ROCK2: variants seen among roughly 807,000 people sequenced by gnomAD.
ROCK2 encodes Rho associated coiled-coil containing protein kinase 2, also known as rho-associated protein kinase 2.
ROCK2 carries 61 observed loss-of-function variants against 195.1 expected under a neutral mutation model. The ratio of observed to expected loss-of-function variants is 0.31; its 90% CI spans 0.25 to 0.39. The LOEUF (loss-of-function observed/expected upper bound fraction) is 0.39. Ranked by LOEUF, ROCK2 falls within the 10% of genes least tolerant of loss-of-function variation. ROCK2 has a pLI of 1.00. For synonymous variants in ROCK2, 504 were observed against 545.5 expected (o/e 0.92, Z 1.06); for missense variants, 1,109 against 1,637.4 (o/e 0.68, Z 5.57).
chr2:11,304,302 C>T (rs1667790677), intron 1 of ROCK2, among the ~76,000 whole-genome samples: 2 of 152,144 alleles, frequency 1.3e-5, no homozygotes, highest in African/African-American at 4.8e-5. Flanking sequence ...CAACCACTTC[C>T]CTCCTTCAGT....
At chr2:11,275,084 C>T (rs912153460) in intron 3 of ROCK2, among the ~76,000 whole-genome samples, 1 of 151,976 alleles carries the variant, frequency 6.6e-6, no homozygotes, top group African/African-American at 2.4e-5. Flanking sequence ...TGGTGAATCC[C>T]CATCTCTACT....
intron 3 of ROCK2, among the ~76,000 whole-genome samples, chr2:11,262,616 C>G (rs1043915378): frequency 1.2e-4 from 18 of 152,204 alleles, no homozygotes; most frequent in African/African-American, 4.3e-4. Context: ...CACAAGCTCT[C>G]TTTGCCTGCT....
chr2:11,238,207 AGAGTGTGT>A (rs1446921530), intron 4 of ROCK2, among the ~76,000 whole-genome samples: 11 of 36,050 alleles, frequency 3.1e-4, no homozygotes, highest in Non-Finnish European at 6.7e-4. Flanking sequence ...AAATTGAGAA[AGAGTGTGT>A]GTGTGTGTGT....
intron 1 of ROCK2, among the ~76,000 whole-genome samples, chr2:11,331,057 A>AG (rs1668751593): frequency 2.2e-5 from 3 of 139,194 alleles, no homozygotes; most frequent in African/African-American, 5.6e-5. Flanking sequence ...GAGGAGGAGG[A>AG]GAAGAAGAAG....
At chr2:11,275,549 A>C (rs1666794140) in intron 3 of ROCK2, among the ~76,000 whole-genome samples, 1 of 152,156 alleles carries the variant, frequency 6.6e-6, no homozygotes, top group African/African-American at 2.4e-5. Context: ...CCACATCATG[A>C]CCAAGTATGA....
chr2:11,257,364 G>A (rs1553307468), intron 3 of ROCK2, among the ~76,000 whole-genome samples: 1 of 151,526 alleles, frequency 6.6e-6, no homozygotes, highest in Non-Finnish European at 1.5e-5. Context: ...AGCTGTCGGG[G>A]TTACTGCTGA....
At chr2:11,204,301 T>C (rs1036744180) in intron 20 of ROCK2, among the ~76,000 whole-genome samples, 6 of 152,122 alleles carry the variant, frequency 3.9e-5, no homozygotes, top group African/African-American at 1.2e-4. Context: ...AGTGGTATAA[T>C]GAACCCCCCA....
intron 1 of ROCK2, among the ~76,000 whole-genome samples, chr2:11,290,016 A>G (rs1667311592): frequency 1.3e-5 from 2 of 152,244 alleles, no homozygotes; most frequent in Non-Finnish European, 2.9e-5. Flanking sequence ...TAGGTTGATA[A>G]CATATACATT....
chr2:11,307,885 C>T lies in ROCK2; in HGVS notation c.142-20149G>A, dbSNP rs111987525. 49 of 1,090,582 alleles carry T rather than the reference C, an allele frequency of 4.5e-5. No homozygotes were observed. In the African/African-American group the frequency reaches 6.2e-4, roughly 14 times the overall value. The allele number at this position is 1,090,582 out of a possible 1,614,324, so 67.6% of individuals were successfully genotyped here. On this transcript the variant is annotated intron_variant, in intron 1 of 32. Coordinates refer to ENST00000315872, the MANE Select transcript of ROCK2 (RefSeq NM_004850.5). ...ACTATCGGCGAAAAATGGGCTTGGG[C>T]GGCTCCTCGGTGGGTGGCGGTGGTG...
At position 11,208,464 on chromosome 2, in the gene ROCK2, G is replaced by A. The variant is rs756985759; in HGVS notation, c.2204-17C>T. ...TCTCCATTTCTAGTATAATAAAAAT[G>A]GACACAATCATAAATTTACAAATAA... is the stretch of plus-strand genomic sequence containing the variant. On this transcript the variant is annotated splice_polypyrimidine_tract_variant and intron_variant, in intron 18 of 32. Transcript: ENST00000315872. The A allele has an allele frequency of 2.8e-5, 39 of 1,394,596 alleles. No individual in the cohort carries two copies. Among genetic ancestry groups the A allele is most frequent in the Non-Finnish European group, 3.3e-5 (35 of 1,046,822 alleles). 86.4% of individuals were successfully genotyped at this position (1,394,596 alleles called of 1,614,324 possible).
At chr2:11,262,478 A>G (rs149583140) in intron 3 of ROCK2, among the ~76,000 whole-genome samples, 6,532 of 152,172 alleles carry the variant, frequency 0.043, 283 homozygotes, top group Non-Finnish European at 0.061. Context: ...GAATTCCCAT[A>G]TGTTGTGGGA....
At chr2:11,329,453 A>C (rs1413422300) in intron 1 of ROCK2, among the ~76,000 whole-genome samples, 1 of 144,316 alleles carries the variant, frequency 6.9e-6, no homozygotes, top group East Asian at 2.1e-4. Context: ...AAAGCTTGTA[A>C]CAATCCCATC....
intron 7 of ROCK2, among the ~76,000 whole-genome samples, chr2:11,222,575 T>A (rs1042182301): frequency 6.6e-6 from 1 of 152,190 alleles, no homozygotes; most frequent in Non-Finnish European, 1.5e-5. Context: ...AATATTATTT[T>A]AAAAATCTCT....
chr2:11,202,412 A>G (rs1663890106), intron 20 of ROCK2, among the ~76,000 whole-genome samples: 3 of 151,956 alleles, frequency 2.0e-5, no homozygotes. Flanking sequence ...CTCAGTTTTA[A>G]TTTCTAACAC....
At chr2:11,272,659 C>G (rs1367110725) in intron 3 of ROCK2, among the ~76,000 whole-genome samples, 3 of 151,962 alleles carry the variant, frequency 2.0e-5, no homozygotes, top group Non-Finnish European at 4.4e-5. Flanking sequence ...GCAGGTGGAT[C>G]ATTTGAGGTC....
intron 1 of ROCK2, among the ~76,000 whole-genome samples, chr2:11,289,672 TAAGAC>T (rs1482930684): frequency 2.0e-5 from 3 of 152,198 alleles, no homozygotes; most frequent in Non-Finnish European, 2.9e-5. Context: ...CATTTACACA[TAAGAC>T]AAGAGAAGCC....
intron 7 of ROCK2, among the ~76,000 whole-genome samples, chr2:11,223,826 T>C (rs1664719371): frequency 6.6e-6 from 1 of 152,188 alleles, no homozygotes; most frequent in African/African-American, 2.4e-5. Context: ...CCTTTGTTCA[T>C]CTATTTTGTT....
At chr2:11,291,550 TA>T (rs11417989) in intron 1 of ROCK2, among the ~76,000 whole-genome samples, 4 of 150,322 alleles carry the variant, frequency 2.7e-5, no homozygotes, top group South Asian at 2.1e-4. Flanking sequence ...GACTCTGTCT[TA>T]AAAAAAAAAC....
At chr2:11,185,959 C>T (rs534542136) in intron 32 of ROCK2, among the ~76,000 whole-genome samples, 3 of 151,924 alleles carry the variant, frequency 2.0e-5, no homozygotes, top group Non-Finnish European at 4.4e-5. Flanking sequence ...AGGCCTCATT[C>T]CAAGAGATTT....
Sources: gnomAD v4.1 joint callset for allele counts (sites outside exome capture counted in the v4.1 genomes callset) on GRCh38, gnomAD v4.1.1 for gene constraint, MANE v1.5 for transcripts, NCBI Gene and HGNC (gene_info 2026-07-23, HGNC 2026-07-21) for gene names.